TPP2: variants seen among roughly 807,000 people sequenced by gnomAD.
The protein encoded by TPP2 is tripeptidyl peptidase 2.
A neutral mutation model predicts 155.9 loss-of-function variants in TPP2; 34 were observed. The observed-to-expected ratio is 0.22, with a 90% CI of 0.17 to 0.29. The LOEUF is 0.29. Ranked by LOEUF, TPP2 falls within the 10% of genes least tolerant of loss-of-function variation. TPP2 has a pLI of 1.00. For synonymous variants in TPP2, 510 were observed against 529.4 expected (o/e 0.96, Z 0.50); for missense variants, 1,028 against 1,522.3 (o/e 0.68, Z 5.40).
chr13:102,621,944 C>T (rs930927166), intron 5 of TPP2, among the ~76,000 whole-genome samples: 1 of 152,142 alleles, frequency 6.6e-6, no homozygotes, highest in African/African-American at 2.4e-5. Flanking sequence ...CTTGTTTGCT[C>T]TTTGCTTCAT....
intron 27 of TPP2, among the ~76,000 whole-genome samples, chr13:102,670,786 G>A (rs1462985594): frequency 6.6e-6 from 1 of 152,166 alleles, no homozygotes; most frequent in African/African-American, 2.4e-5. Flanking sequence ...ATGTGTGTAA[G>A]TTGCTAGTAT....
chr13:102,623,517 C>G (rs918590486), intron 6 of TPP2, among the ~76,000 whole-genome samples: 2 of 152,250 alleles, frequency 1.3e-5, no homozygotes, highest in East Asian at 3.9e-4. Context: ...GAGCCGAGAT[C>G]GTGCCATTGC....
chr13:102,654,834 A>G (rs1181142496), intron 24 of TPP2: 1 of 409,874 alleles, frequency 2.4e-6, no homozygotes, highest in Non-Finnish European at 4.9e-6. Flanking sequence ...TGTTTCCATA[A>G]GAACTTGGTG....
At chr13:102,654,172 T>A (rs1883690593) in intron 24 of TPP2, among the ~76,000 whole-genome samples, 1 of 152,144 alleles carries the variant, frequency 6.6e-6, no homozygotes, top group Non-Finnish European at 1.5e-5. Flanking sequence ...AAGAAGAAAT[T>A]ATTGTGATAC....
intron 10 of TPP2, chr13:102,631,150 CTGAG>C (rs1443533019): frequency 2.0e-5 from 3 of 152,114 alleles, no homozygotes. Context: ...TAACTAGTAA[CTGAG>C]TATGTTTGAA....
At chr13:102,643,833 T>C (rs986437332) in intron 17 of TPP2, among the ~76,000 whole-genome samples, 1 of 152,340 alleles carries the variant, frequency 6.6e-6, no homozygotes, top group Middle Eastern at 3.4e-3. Context: ...ATCTGTGGTG[T>C]TGGAAATGAT....
At chr13:102,616,652 T>A in intron 4 of TPP2, 152 bp downstream of exon 4, 1 of 573,408 alleles carries the variant, frequency 1.7e-6, no homozygotes, top group Non-Finnish European at 2.8e-6. Flanking sequence ...CTTTATTATT[T>A]ATCCTCAAGT....
intron 1 of TPP2, among the ~76,000 whole-genome samples, chr13:102,602,167 G>A (rs925987208): frequency 9.9e-5 from 15 of 152,070 alleles, no homozygotes; most frequent in African/African-American, 3.6e-4. Context: ...TAAAATAGGT[G>A]ATTTTCTTAT....
At chr13:102,603,949 G>A (rs1879620339) in intron 1 of TPP2, among the ~76,000 whole-genome samples, 1 of 152,122 alleles carries the variant, frequency 6.6e-6, no homozygotes, top group African/African-American at 2.4e-5. Flanking sequence ...AAAATGCAAT[G>A]GATTTGAGCT....
chr13:102,664,530 A>G (rs1238783609), intron 26 of TPP2, among the ~76,000 whole-genome samples: 1 of 152,190 alleles, frequency 6.6e-6, no homozygotes, highest in African/African-American at 2.4e-5. Flanking sequence ...TATGAAGTTT[A>G]TATTTTGCTT....
At chr13:102,606,273 T>C (rs1360440784) in intron 2 of TPP2, among the ~76,000 whole-genome samples, 1 of 152,236 alleles carries the variant, frequency 6.6e-6, no homozygotes, top group East Asian at 1.9e-4. Context: ...GTAAGCTTGT[T>C]GTGGCAGCAT....
intron 28 of TPP2, among the ~76,000 whole-genome samples, chr13:102,674,912 T>G (rs1885203438): frequency 6.6e-6 from 1 of 152,224 alleles, no homozygotes; most frequent in East Asian, 1.9e-4. Context: ...ACTCTTGAAT[T>G]TCTCAGTAAT....
intron 2 of TPP2, among the ~76,000 whole-genome samples, chr13:102,613,533 A>G (rs1266900205): frequency 6.6e-6 from 1 of 152,216 alleles, no homozygotes; most frequent in Non-Finnish European, 1.5e-5. Context: ...TTCCTTTTAC[A>G]GATGAAGTAG....
intron 27 of TPP2, among the ~76,000 whole-genome samples, chr13:102,669,525 C>T (rs1884829377): frequency 6.6e-6 from 1 of 152,164 alleles, no homozygotes; most frequent in African/African-American, 2.4e-5. Flanking sequence ...TTGGTATCAA[C>T]GGATGCATGT....
intron 24 of TPP2, 124 bp downstream of exon 24, chr13:102,651,521 A>G (rs2139554958): frequency 1.0e-6 from 1 of 989,102 alleles, no homozygotes; most frequent in Non-Finnish European, 1.5e-6. Flanking sequence ...TTTGCATTCT[A>G]AAGTATAGTG....
At chr13:102,597,609 C>T (rs932581252) in intron 1 of TPP2, among the ~76,000 whole-genome samples, 2 of 152,254 alleles carry the variant, frequency 1.3e-5, no homozygotes, top group African/African-American at 4.8e-5. Flanking sequence ...CTCTGCCTAC[C>T]CCTCGTGCCT....
At chr13:102,614,397 T>C (rs1293174571) in intron 3 of TPP2, among the ~76,000 whole-genome samples, 1 of 152,236 alleles carries the variant, frequency 6.6e-6, no homozygotes. Context: ...ATTCTTGATC[T>C]TGGGTACATG....
chr13:102,660,019 A>G (rs537378944), intron 25 of TPP2, among the ~76,000 whole-genome samples: 1 of 152,034 alleles, frequency 6.6e-6, no homozygotes, highest in South Asian at 2.1e-4. Context: ...TAATTGGTGT[A>G]TTACAGTAAT....
intron 22 of TPP2, 35 bp downstream of exon 22, chr13:102,649,186 C>T (rs751799870): frequency 6.4e-7 from 1 of 1,564,474 alleles, no homozygotes; most frequent in Non-Finnish European, 8.6e-7. Flanking sequence ...TACTGCCCAT[C>T]GTATACACTG....
Sources: allele counts gnomAD v4.1 joint callset (sites outside exome capture counted in the v4.1 genomes callset), GRCh38; gene constraint gnomAD v4.1.1; transcripts MANE v1.5; gene names NCBI Gene and HGNC (gene_info 2026-07-23, HGNC 2026-07-21).